PCM1: variants seen among roughly 807,000 people sequenced by gnomAD.
The protein encoded by PCM1 is pericentriolar material 1 protein.
In PCM1, 157 loss-of-function variants were observed where a neutral mutation model predicts 241.9. That is an observed-to-expected ratio of 0.65 (90% CI 0.57 to 0.74). The LOEUF is 0.74. Among genes scored for constraint, PCM1 ranks in the 30% least tolerant of loss-of-function variants. The pLI is 0.00. For synonymous variants in PCM1, 1,085 were observed against 784.9 expected, an observed-to-expected ratio of 1.38 and a Z score of -6.39; for missense variants, 3,478 against 2,360.1, an observed-to-expected ratio of 1.47 and a Z score of -9.81.
chr8:17,974,857 GCACACA>G (rs60355433), intron 23 of PCM1, among the ~76,000 whole-genome samples: 2,863 of 133,344 alleles, frequency 0.021, 92 homozygotes, highest in African/African-American at 0.071. Flanking sequence ...CCACTTTAAG[GCACACA>G]CACACACACA....
intron 6 of PCM1, among the ~76,000 whole-genome samples, chr8:17,942,954 G>A: frequency 6.7e-6 from 1 of 149,574 alleles, no homozygotes; most frequent in Admixed American, 6.7e-5. Context: ...CCGAGATCCT[G>A]CCACTGTACT....
chr8:18,007,378 C>T (rs1252993573), intron 30 of PCM1, among the ~76,000 whole-genome samples: 1 of 152,158 alleles, frequency 6.6e-6, no homozygotes, highest in Non-Finnish European at 1.5e-5. Flanking sequence ...ATTGTCCTGG[C>T]CCCGTTAGCA....
At chr8:17,983,943 T>G (rs892721749) in intron 24 of PCM1, among the ~76,000 whole-genome samples, 1 of 152,070 alleles carries the variant, frequency 6.6e-6, no homozygotes, top group Non-Finnish European at 1.5e-5. Context: ...AGTGGCACTT[T>G]GAAAATAAGG....
intron 2 of PCM1, among the ~76,000 whole-genome samples, chr8:17,932,851 G>A (rs1050844980): frequency 5.9e-5 from 9 of 152,088 alleles, no homozygotes; most frequent in Non-Finnish European, 8.8e-5. Flanking sequence ...TATGATATAA[G>A]GCAGCCTTTC....
intron 23 of PCM1, among the ~76,000 whole-genome samples, chr8:17,979,555 G>C (rs929744741): frequency 6.6e-6 from 1 of 152,128 alleles, no homozygotes; most frequent in Non-Finnish European, 1.5e-5. Context: ...GTGTTTGAGT[G>C]GGGGGTATGA....
At chr8:17,976,785 T>C (rs994792389) in intron 23 of PCM1, among the ~76,000 whole-genome samples, 3 of 151,572 alleles carry the variant, frequency 2.0e-5, no homozygotes, top group African/African-American at 7.3e-5. Context: ...AACATCCTTA[T>C]CTCTCATCAG....
intron 29 of PCM1, among the ~76,000 whole-genome samples, chr8:18,000,594 A>G (rs2088974948): frequency 6.8e-6 from 1 of 147,892 alleles, no homozygotes; most frequent in Non-Finnish European, 1.5e-5. Flanking sequence ...GCTTGGGAGA[A>G]GGGGGAGATG....
At chr8:17,944,195 A>G (rs2063079464) in intron 6 of PCM1, among the ~76,000 whole-genome samples, 2 of 152,084 alleles carry the variant, frequency 1.3e-5, no homozygotes, top group South Asian at 4.1e-4. Context: ...TGTCTTTTAA[A>G]CCAGCTATGG....
At chr8:17,949,258 G>A (rs191140554) in intron 7 of PCM1, among the ~76,000 whole-genome samples, 8 of 152,198 alleles carry the variant, frequency 5.3e-5, no homozygotes, top group Admixed American at 4.6e-4. Context: ...TACAATTACA[G>A]TATTTAATCT....
At chr8:17,928,922 G>A (rs960602952) in intron 2 of PCM1, among the ~76,000 whole-genome samples, 5 of 151,956 alleles carry the variant, frequency 3.3e-5, no homozygotes, top group African/African-American at 1.2e-4. Flanking sequence ...GTGAGCCACC[G>A]CACCCGACCA....
chr8:17,993,318 C>T (rs926711441), intron 28 of PCM1, among the ~76,000 whole-genome samples, 165 bp from the exon 29 acceptor site: 2 of 151,834 alleles, frequency 1.3e-5, no homozygotes, highest in African/African-American at 4.8e-5. Flanking sequence ...GGTTTTATTA[C>T]TACTTTATTT....
At chr8:17,960,535 T>TTTTTTTTTTTTC in intron 15 of PCM1, 91 bp downstream of exon 15, 1 of 943,650 alleles carries the variant, frequency 1.1e-6, no homozygotes, top group East Asian at 2.7e-5. Context: ...TTGTTTTTCT[T>TTTTTTTTTTTTC]TTTTTTTGAG....
At chr8:17,981,123 C>T (rs1185645788) in intron 24 of PCM1, among the ~76,000 whole-genome samples, 3 of 152,170 alleles carry the variant, frequency 2.0e-5, no homozygotes, top group African/African-American at 4.8e-5. Flanking sequence ...CTTCATGGAA[C>T]GTACATGGCC....
intron 22 of PCM1, 99 bp from the exon 23 acceptor site, chr8:17,972,230 A>G: frequency 7.6e-6 from 4 of 528,830 alleles, no homozygotes; most frequent in Non-Finnish European, 1.2e-5. Flanking sequence ...TGACAATTTT[A>G]TTCACCTAAA....
At chr8:18,024,587 A>G (rs2094018698) in intron 36 of PCM1, among the ~76,000 whole-genome samples, 1 of 152,178 alleles carries the variant, frequency 6.6e-6, no homozygotes, top group Non-Finnish European at 1.5e-5. Context: ...TTTAATTGAA[A>G]TTAAGTCAAA....
At chr8:18,007,245 T>C (rs1056261337) in intron 30 of PCM1, among the ~76,000 whole-genome samples, 2 of 152,224 alleles carry the variant, frequency 1.3e-5, no homozygotes, top group African/African-American at 4.8e-5. Flanking sequence ...TTGGCTTTGC[T>C]TCTTATTTCT....
intron 2 of PCM1, among the ~76,000 whole-genome samples, chr8:17,929,630 A>G (rs1210165365): frequency 6.6e-6 from 1 of 152,060 alleles, no homozygotes; most frequent in Non-Finnish European, 1.5e-5. Context: ...TTTATCCTTT[A>G]TCTTTTAACT....
chr8:17,953,035 G>C lies in PCM1; in HGVS notation c.1137G>C (p.Gln379His), dbSNP rs981331877. ...ESLSLTREVSQSRKPSASERL... is the reference protein window; with the variant it reads ...ESLSLTREVSHSRKPSASERL... ...TTTCATTAACTAGGGAGGTTTCCCA[G>C]AGCAGGAAACCATCAGCTTCAGAAC... is the stretch of plus-strand genomic sequence containing the variant. Residue 379 changes from glutamine (Q) to histidine (H), a missense_variant, in exon 9 of 39, where the codon CAG (glutamine) becomes CAC (histidine). Transcript: ENST00000325083. 1.4e-5 allele frequency: 22 copies of C among 1,608,462 alleles called. No homozygotes were observed. The highest frequency in any genetic ancestry group is 1.8e-5 in the Non-Finnish European group (21 of 1,177,042).
At chr8:17,988,216 G>A (rs2083269990) in intron 26 of PCM1, among the ~76,000 whole-genome samples, 1 of 151,862 alleles carries the variant, frequency 6.6e-6, no homozygotes, top group African/African-American at 2.4e-5. Context: ...AAAAAAAATG[G>A]TTTCCCTATT....
Sources: allele counts gnomAD v4.1 joint callset (sites outside exome capture counted in the v4.1 genomes callset), GRCh38; gene constraint gnomAD v4.1.1; transcripts MANE v1.5; gene names NCBI Gene and HGNC (gene_info 2026-07-23, HGNC 2026-07-21).